The following TCF12 variants were observed in gnomAD, a reference collection of about 807,000 sequenced individuals.
TCF12 encodes the protein DNA-binding protein HTF4.
Under a neutral mutation model 86.0 loss-of-function variants are expected in TCF12, and 45 were observed. The observed-to-expected ratio is 0.52, with a 90% CI of 0.41 to 0.67. The LOEUF (loss-of-function observed/expected upper bound fraction) is 0.67, where lower values mean the gene tolerates loss of function less well. Ranked by LOEUF, TCF12 falls within the 30% of genes least tolerant of loss-of-function variation. The pLI is 0.00. For missense variants in TCF12, 881 were observed against 859.9 expected (o/e 1.02, Z -0.31); for synonymous variants, 330 against 299.6 (o/e 1.10, Z -1.05).
chr15:57,239,896 T>C (rs770931618), intron 12 of TCF12, among the ~76,000 whole-genome samples: 4 of 152,142 alleles, frequency 2.6e-5, no homozygotes, highest in African/African-American at 9.7e-5. Context: ...CCTGTCCAGA[T>C]AGAAAAGTCT....
In TCF12 at chr15:57,232,626, C is replaced by G. The variant is rs1389426062; in HGVS notation, c.826-86C>G. On this transcript the variant is annotated intron_variant, in intron 10 of 20. Coordinates refer to ENST00000333725, the MANE Select transcript of TCF12 (RefSeq NM_207037.2). ...TCTTTAGCTGTAACTTGTAAATGCT[C>G]TTTTTGACCTGTTATCATAGTTGTC... 9 of 1,482,038 alleles carry G rather than the reference C, an allele frequency of 6.1e-6. No homozygotes were observed. In the African/African-American group the frequency reaches 8.6e-5, roughly 14 times the overall value. The allele number at this position is 1,482,038 out of a possible 1,614,324, so 91.8% of individuals were successfully genotyped here. A position where few individuals can be genotyped will look rare whatever the true frequency, so the allele number is the denominator to read the frequency against.
At chr15:56,995,897 T>G (rs1388269090) in intron 3 of TCF12, among the ~76,000 whole-genome samples, 3 of 152,216 alleles carry the variant, frequency 2.0e-5, no homozygotes, top group African/African-American at 7.2e-5. Context: ...CTTTTGCCCA[T>G]TCAGTATGAT....
chr15:57,212,817 T>C (rs891660950), intron 8 of TCF12, among the ~76,000 whole-genome samples: 3 of 152,174 alleles, frequency 2.0e-5, no homozygotes, highest in Admixed American at 6.5e-5. Flanking sequence ...CCCTAAGCTC[T>C]CTTGCCTCCT....
At chr15:57,009,786 T>C (rs547319392) in intron 3 of TCF12, among the ~76,000 whole-genome samples, 7 of 152,332 alleles carry the variant, frequency 4.6e-5, no homozygotes, top group Non-Finnish European at 7.4e-5. Context: ...ATGTCCTTTT[T>C]GTCCCTGGAT....
chr15:57,089,218 A>G (rs1184938457), intron 4 of TCF12, among the ~76,000 whole-genome samples: 1 of 152,236 alleles, frequency 6.6e-6, no homozygotes, highest in Non-Finnish European at 1.5e-5. Context: ...CATTTGCTAA[A>G]TTGAACCTCT....
intron 3 of TCF12, among the ~76,000 whole-genome samples, chr15:57,007,796 TTC>T (rs573409165): frequency 9.5e-5 from 13 of 136,682 alleles, no homozygotes; most frequent in African/African-American, 3.9e-4. Context: ...CTTTCTCTCT[TTC>T]TTTCTTTCTT....
chr15:57,205,021 T>C (rs571890764), intron 8 of TCF12, among the ~76,000 whole-genome samples: 2 of 152,174 alleles, frequency 1.3e-5, no homozygotes, highest in South Asian at 4.2e-4. Flanking sequence ...TATAGGCAAT[T>C]ATCCGGCCCG....
At chr15:56,966,571 T>C (rs1158098500) in intron 3 of TCF12, among the ~76,000 whole-genome samples, 1 of 152,238 alleles carries the variant, frequency 6.6e-6, no homozygotes, top group African/African-American at 2.4e-5. Context: ...CTTATTTCTC[T>C]GTTAGTCTCT....
At chr15:57,160,853 T>TC (rs11441555) in intron 5 of TCF12, among the ~76,000 whole-genome samples, 4 of 131,842 alleles carry the variant, frequency 3.0e-5, no homozygotes, top group African/African-American at 1.3e-4. Flanking sequence ...CCCAGCTAAG[T>TC]TTTTTTTTTT....
chr15:57,084,772 A>T (rs905729724), intron 4 of TCF12, among the ~76,000 whole-genome samples: 2 of 152,048 alleles, frequency 1.3e-5, no homozygotes, highest in African/African-American at 4.8e-5. Flanking sequence ...AGAAAATTGT[A>T]TATTAATTGT....
intron 8 of TCF12, among the ~76,000 whole-genome samples, chr15:57,218,481 A>G (rs540642852): frequency 6.6e-6 from 1 of 152,342 alleles, no homozygotes; most frequent in African/African-American, 2.4e-5. Flanking sequence ...TGAGTTAGAA[A>G]TGTCTGTAAG....
intron 3 of TCF12, among the ~76,000 whole-genome samples, chr15:57,016,319 A>G (rs1335167943): frequency 1.3e-5 from 2 of 152,246 alleles, no homozygotes; most frequent in Non-Finnish European, 2.9e-5. Context: ...TTGCCAATGC[A>G]TCTTCCTATA....
rs564295948 is a variant in TCF12, at chr15:57,045,882, G to A, written c.149-17868G>A. Among the ~76,000 whole-genome samples the A allele has an allele frequency of 3.9e-5, 6 of 152,126 alleles. No homozygotes were observed. In the East Asian group the frequency reaches 9.7e-4, roughly 25 times the overall value. ...TTTTAGTACAGAGGCTATTAGCTCC[G>A]GCAGGCTGTCAGTACTCCAGTCAGA... is the stretch of plus-strand genomic sequence containing the variant. On this transcript the variant is annotated intron_variant, in intron 3 of 20. Transcript: ENST00000333725.
At chr15:57,229,010 A>T in intron 8 of TCF12, among the ~76,000 whole-genome samples, 1 of 152,128 alleles carries the variant, frequency 6.6e-6, no homozygotes, top group Admixed American at 6.5e-5. Context: ...CACATTTGTG[A>T]TAAAAAGCAT....
intron 4 of TCF12, among the ~76,000 whole-genome samples, chr15:57,082,956 A>G (rs2048403788): frequency 6.6e-6 from 1 of 152,228 alleles, no homozygotes; most frequent in African/African-American, 2.4e-5. Flanking sequence ...GTATGTTTAT[A>G]AATAGAGTAT....
intron 6 of TCF12, 94 bp from the exon 7 acceptor site, chr15:57,192,064 G>A: frequency 7.0e-7 from 1 of 1,433,324 alleles, no homozygotes. Context: ...TTAAGACATT[G>A]CTGAAGTTGT....
At chr15:57,218,709 G>A (rs16977318) in intron 8 of TCF12, among the ~76,000 whole-genome samples, 2,882 of 152,232 alleles carry the variant, frequency 0.019, 96 homozygotes, top group African/African-American at 0.062. Flanking sequence ...TTGGTGTTGT[G>A]TATGAAGAAT....
rs148639265 is a variant in TCF12 at position 57,097,560 on chromosome 15, G to A, written c.325+5669G>A. 5.5e-4 allele frequency among the ~76,000 whole-genome samples: 83 copies of A among 151,918 alleles called. 1 individual carries two copies. The East Asian group carries it at 9.9e-3, about 18-fold the overall frequency. ...AATAAAAAATAAAAAAAGATATGTA[G>A]TTTGATATACTTGAAATTTCTTCAC... is the stretch of plus-strand genomic sequence containing the variant. On this transcript the variant is annotated intron_variant, in intron 5 of 20. Coordinates refer to ENST00000333725, the MANE Select transcript of TCF12 (RefSeq NM_207037.2).
chr15:57,066,190 G>C (rs1213574100), intron 4 of TCF12, among the ~76,000 whole-genome samples: 1 of 151,924 alleles, frequency 6.6e-6, no homozygotes, highest in Non-Finnish European at 1.5e-5. Flanking sequence ...TCAGCTTTTG[G>C]GGTTTCATCT....
Sources: gnomAD v4.1 joint callset for allele counts (sites outside exome capture counted in the v4.1 genomes callset) on GRCh38, gnomAD v4.1.1 for gene constraint, MANE v1.5 for transcripts, NCBI Gene and HGNC (gene_info 2026-07-23, HGNC 2026-07-21) for gene names.